The following RELN variants were observed in gnomAD, a reference collection of about 807,000 sequenced individuals.
RELN encodes the protein reelin.
RELN carries 108 observed loss-of-function variants against 427.6 expected under a neutral mutation model. The observed-to-expected ratio is 0.25, with a 90% CI of 0.22 to 0.30. The LOEUF (loss-of-function observed/expected upper bound fraction) is 0.30, where lower values mean the gene tolerates loss of function less well. Ranked by LOEUF, RELN falls within the 10% of genes least tolerant of loss-of-function variation. The pLI is 1.00. For missense variants in RELN, 3,715 were observed against 4,302.8 expected, an observed-to-expected ratio of 0.86 and a Z score of 3.82; for synonymous variants, 1,524 against 1,513.4, an observed-to-expected ratio of 1.01 and a Z score of -0.16.
chr7:103,783,287 G>A (rs1350426930), intron 3 of RELN, among the ~76,000 whole-genome samples: 4 of 150,486 alleles, frequency 2.7e-5, no homozygotes, highest in Non-Finnish European at 5.9e-5. Flanking sequence ...AAAACGTACA[G>A]TGCATTCTAA....
At chr7:103,940,060 G>A (rs577830278) in intron 1 of RELN, among the ~76,000 whole-genome samples, 2 of 152,068 alleles carry the variant, frequency 1.3e-5, no homozygotes, top group African/African-American at 2.4e-5. Context: ...GAAGCCATTC[G>A]TTAATGGTTG....
chr7:103,920,459 A>G (rs1261716668), intron 1 of RELN, among the ~76,000 whole-genome samples: 1 of 152,158 alleles, frequency 6.6e-6, no homozygotes, highest in Non-Finnish European at 1.5e-5. Context: ...AATGGGTAAC[A>G]AATAATATTT....
chr7:103,551,926 TGTGTGTGTGTGG>T, intron 40 of RELN, among the ~76,000 whole-genome samples: 1 of 145,132 alleles, frequency 6.9e-6, no homozygotes, highest in African/African-American at 2.6e-5. Flanking sequence ...TTACCTTCTG[TGTGTGTGTGTGG>T]GTGTGTGTGT....
intron 5 of RELN, among the ~76,000 whole-genome samples, chr7:103,749,734 T>C (rs1468689147): frequency 6.6e-6 from 1 of 152,166 alleles, no homozygotes; most frequent in East Asian, 1.9e-4. Context: ...CAAAAGGAAA[T>C]CTATGAAGCT....
intron 40 of RELN, among the ~76,000 whole-genome samples, chr7:103,551,879 C>T (rs544147467): frequency 3.4e-4 from 51 of 152,024 alleles, no homozygotes; most frequent in Admixed American, 5.9e-4. Context: ...ATAATTACTA[C>T]GGCCAAGTGA....
At chr7:103,851,694 G>A (rs1272054645) in intron 2 of RELN, among the ~76,000 whole-genome samples, 2 of 152,060 alleles carry the variant, frequency 1.3e-5, no homozygotes, top group Non-Finnish European at 2.9e-5. Flanking sequence ...CTTCCTGTAG[G>A]ATCCTAACTA....
intron 52 of RELN, among the ~76,000 whole-genome samples, chr7:103,502,379 T>A (rs1191395982): frequency 6.6e-6 from 1 of 152,260 alleles, no homozygotes; most frequent in African/African-American, 2.4e-5. Context: ...TAATACAGTC[T>A]AGGTGCACCT....
At chr7:103,564,867 A>G (rs1830714007) in intron 34 of RELN, among the ~76,000 whole-genome samples, 1 of 152,190 alleles carries the variant, frequency 6.6e-6, no homozygotes, top group Non-Finnish European at 1.5e-5. Context: ...ATGCAAAACA[A>G]TATGAGCATT....
chr7:103,906,423 A>G (rs1011703491), intron 2 of RELN, among the ~76,000 whole-genome samples: 3 of 152,190 alleles, frequency 2.0e-5, no homozygotes, highest in African/African-American at 7.2e-5. Context: ...CAAGTGCTTG[A>G]TAATGTTAGC....
chr7:103,585,767 C>A (rs1417008464), intron 28 of RELN, among the ~76,000 whole-genome samples: 2 of 152,090 alleles, frequency 1.3e-5, no homozygotes, highest in African/African-American at 4.8e-5. Flanking sequence ...AAAAAGAAAA[C>A]AGGCTAGTAT....
At chr7:103,888,965 G>T (rs921427489) in intron 2 of RELN, among the ~76,000 whole-genome samples, 4 of 152,076 alleles carry the variant, frequency 2.6e-5, no homozygotes, top group Admixed American at 2.6e-4. Flanking sequence ...TTCTCACTTG[G>T]CCTGCTAATC....
chr7:103,783,466 T>C (rs1214974215), intron 3 of RELN, among the ~76,000 whole-genome samples: 1 of 152,220 alleles, frequency 6.6e-6, no homozygotes, highest in Non-Finnish European at 1.5e-5. Flanking sequence ...GTTTTCACAA[T>C]GCTTTTGCTA....
rs192182981 is a variant in RELN at position 103,506,237 on chromosome 7, C to T, written c.8275-3007G>A. Among the ~76,000 whole-genome samples the T allele has an allele frequency of 2.1e-3, 323 of 152,108 alleles. 6 individuals are homozygous for T. Among genetic ancestry groups the T allele is most frequent in the Admixed American group, 9.9e-3 (151 of 15,278 alleles). On this transcript the variant is annotated intron_variant, in intron 51 of 64. Coordinates refer to ENST00000428762, the MANE Select transcript of RELN (RefSeq NM_005045.4). Reference sequence around the variant, plus strand: ...ATTCAAATTCAGGAAATACAGAGAACGCCACAAAGATACATAATCGTCAGA... The same window carrying T: ...ATTCAAATTCAGGAAATACAGAGAATGCCACAAAGATACATAATCGTCAGA...
At chr7:103,866,887 T>C (rs1334751122) in intron 2 of RELN, among the ~76,000 whole-genome samples, 1 of 152,066 alleles carries the variant, frequency 6.6e-6, no homozygotes, top group Admixed American at 6.6e-5. Flanking sequence ...ATACATACTC[T>C]AGAGACACAG....
intron 46 of RELN, among the ~76,000 whole-genome samples, chr7:103,529,460 G>T (rs1829893608): frequency 6.6e-6 from 1 of 151,972 alleles, no homozygotes; most frequent in African/African-American, 2.4e-5. Flanking sequence ...CTTTCTCGGT[G>T]GATTTGGGTT....
At chr7:103,943,597 T>G (rs913033558) in intron 1 of RELN, among the ~76,000 whole-genome samples, 48 of 151,964 alleles carry the variant, frequency 3.2e-4, no homozygotes, top group Admixed American at 3.0e-3. Context: ...CCGCCTGTAA[T>G]CCCAGTGCTT....
At chr7:103,568,261 G>A (rs1045935268) in intron 31 of RELN, among the ~76,000 whole-genome samples, 27 of 152,048 alleles carry the variant, frequency 1.8e-4, no homozygotes, top group Non-Finnish European at 3.5e-4. Context: ...GGCTGCTTAC[G>A]GCTAATTAAT....
intron 1 of RELN, among the ~76,000 whole-genome samples, chr7:103,920,540 T>C (rs536621759): frequency 1.3e-5 from 2 of 151,762 alleles, no homozygotes; most frequent in African/African-American, 2.4e-5. Flanking sequence ...GTAGTGGGTA[T>C]ACACATGTTT....
intron 9 of RELN, among the ~76,000 whole-genome samples, chr7:103,699,941 TTTATTA>T (rs1834056240): frequency 6.6e-6 from 1 of 151,994 alleles, no homozygotes; most frequent in Non-Finnish European, 1.5e-5. Flanking sequence ...AAGTTTTTAT[TTTATTA>T]TTATTATTTT....
Sources: allele counts gnomAD v4.1 joint callset (sites outside exome capture counted in the v4.1 genomes callset), GRCh38; gene constraint gnomAD v4.1.1; transcripts MANE v1.5; gene names NCBI Gene and HGNC (gene_info 2026-07-23, HGNC 2026-07-21).